The following LZTFL1 variants were observed in gnomAD, a reference collection of about 807,000 sequenced individuals.
LZTFL1 encodes leucine zipper transcription factor-like protein 1.
LZTFL1 carries 25 observed loss-of-function variants against 45.9 expected under a neutral mutation model. The observed-to-expected ratio is 0.54, with a 90% CI of 0.40 to 0.76. The LOEUF (loss-of-function observed/expected upper bound fraction) is 0.76, where lower values mean the gene tolerates loss of function less well. Among genes scored for constraint, LZTFL1 ranks in the 30% least tolerant of loss-of-function variants. LZTFL1 has a pLI of 0.00. For synonymous variants in LZTFL1, 93 were observed against 117.4 expected (o/e 0.79, Z 1.35); for missense variants, 277 against 331.1 (o/e 0.84, Z 1.27).
chr3:45,845,003 A>G (rs1203860231), upstream of LZTFL1, among the ~76,000 whole-genome samples: 1 of 152,200 alleles, frequency 6.6e-6, no homozygotes, highest in African/African-American at 2.4e-5. Flanking sequence ...CCCAAAGGGA[A>G]CAAACACCGA....
chr3:45,826,769 C>A (rs542280344), intron 9 of LZTFL1, among the ~76,000 whole-genome samples: 2 of 152,326 alleles, frequency 1.3e-5, no homozygotes, highest in East Asian at 1.9e-4. Flanking sequence ...CACATCTGGA[C>A]CTGGAGGACT....
At chr3:45,908,029 T>C (rs1702714692) in intron 2 of LZTFL1, among the ~76,000 whole-genome samples, 16 of 152,132 alleles carry the variant, frequency 1.1e-4, no homozygotes, top group Admixed American at 9.2e-4. Flanking sequence ...GTCAGCTGGG[T>C]GGATTAAGGA....
intron 2 of LZTFL1, chr3:45,894,782 C>G (rs762453216): frequency 1.5e-5 from 11 of 711,512 alleles, no homozygotes; most frequent in African/African-American, 7.0e-5. Context: ...ACTCTAACTC[C>G]TGCTTGGAAT....
At chr3:45,887,327 A>C (rs1702014717) in intron 2 of LZTFL1, among the ~76,000 whole-genome samples, 1 of 152,142 alleles carries the variant, frequency 6.6e-6, no homozygotes, top group African/African-American at 2.4e-5. Context: ...GAAACTTAAC[A>C]ATGGCTAAAC....
At chr3:45,891,989 A>C (rs1414720899) in intron 2 of LZTFL1, among the ~76,000 whole-genome samples, 1 of 152,142 alleles carries the variant, frequency 6.6e-6, no homozygotes, top group Non-Finnish European at 1.5e-5. Flanking sequence ...TGGGGTTTGA[A>C]GACCAACTTA....
chr3:45,914,089 A>G (rs1220036109), intron 1 of LZTFL1, among the ~76,000 whole-genome samples: 4 of 152,196 alleles, frequency 2.6e-5, no homozygotes, highest in African/African-American at 9.7e-5. Context: ...CCTGGTTCCA[A>G]GATTCAAGGA....
intron 9 of LZTFL1, 111 bp from the exon 10 acceptor site, chr3:45,826,443 C>T (rs1207066851): frequency 1.8e-5 from 16 of 882,372 alleles, no homozygotes; most frequent in South Asian, 4.5e-5. Flanking sequence ...ATTACTGTTA[C>T]GGTAGAAGTT....
rs1054371168 is a variant in LZTFL1 at position 45,900,299 on chromosome 3, G to T, written c.-215+12821C>A. On this transcript the variant is annotated intron_variant, in intron 2 of 4. Transcript: ENST00000472635. The surrounding 1 kb of genome is among the most constrained non-coding windows in gnomAD (Gnocchi z 4.7). ...TGCATGTGTATGTGGGTGTATGCTG[G>T]TGCTCCCGGAGCTTTCAGGAAACTC... Among the ~76,000 whole-genome samples, 2 of 152,128 alleles carry T rather than the reference G, an allele frequency of 1.3e-5. No homozygotes were observed. The highest frequency in any genetic ancestry group is 4.8e-5 in the African/African-American group (2 of 41,426).
At chr3:45,861,873 A>T (rs1223661972) in intron 2 of LZTFL1, among the ~76,000 whole-genome samples, 1 of 152,202 alleles carries the variant, frequency 6.6e-6, no homozygotes, top group East Asian at 1.9e-4. Context: ...GGCCGTTTAT[A>T]TCATTTATTA....
At position 45,847,476 on chromosome 3, in the gene LZTFL1, T is replaced by C. The variant is rs550527027; in HGVS notation, c.-49+7510A>G. Among the ~76,000 whole-genome samples, 14 of 152,292 alleles carry C rather than the reference T, an allele frequency of 9.2e-5. No individual in the cohort carries two copies. In the South Asian group the frequency reaches 2.7e-3, roughly 29 times the overall value. ...AGAGGCTGAATTATAGACATTGTGTTTGGGGGCAAGTAGACCACTTCAACA... is the reference window on the plus strand; with the variant it reads ...AGAGGCTGAATTATAGACATTGTGTCTGGGGGCAAGTAGACCACTTCAACA... On this transcript the variant is annotated intron_variant, in intron 4 of 4. Coordinates refer to the LZTFL1 transcript ENST00000472635.
chr3:45,903,310 GAAGAGTAAGCA>G (rs1702614462), intron 2 of LZTFL1: 1 of 155,984 alleles, frequency 6.4e-6, no homozygotes, highest in African/African-American at 2.4e-5. Flanking sequence ...AAAAAAGTGT[GAAGAGTAAGCA>G]ATAGGGATAA....
intron 2 of LZTFL1, among the ~76,000 whole-genome samples, chr3:45,877,454 G>C (rs1040472794): frequency 2.0e-5 from 3 of 151,740 alleles, no homozygotes; most frequent in African/African-American, 7.3e-5. Flanking sequence ...GGCTGGTCTC[G>C]AACTCCTGAC....
chr3:45,908,022 A>G (rs914215711), intron 2 of LZTFL1, among the ~76,000 whole-genome samples: 7 of 152,362 alleles, frequency 4.6e-5, no homozygotes, highest in African/African-American at 1.4e-4. Flanking sequence ...ACAGTGAGTC[A>G]GCTGGGTGGA....
chr3:45,915,336 C>G (rs879788163), intron 1 of LZTFL1: 2 of 345,164 alleles, frequency 5.8e-6, no homozygotes, highest in Non-Finnish European at 1.2e-5. Context: ...CTTTTATCCC[C>G]GCACCGCCCA....
At chr3:45,833,672 G>A (rs2125683822) in intron 4 of LZTFL1, among the ~76,000 whole-genome samples, 1 of 152,258 alleles carries the variant, frequency 6.6e-6, no homozygotes, top group South Asian at 2.1e-4. Flanking sequence ...ATGACCCAAA[G>A]GAATAACTGG....
chr3:45,842,208 G>A (rs1460756615), upstream of LZTFL1: 15 of 1,418,056 alleles, frequency 1.1e-5, no homozygotes, highest in Non-Finnish European at 1.4e-5. Flanking sequence ...TTGCGTAACC[G>A]GTTGACTGCC....
intron 2 of LZTFL1, among the ~76,000 whole-genome samples, chr3:45,887,312 T>G (rs1268423866): frequency 1.3e-5 from 2 of 152,012 alleles, no homozygotes; most frequent in Non-Finnish European, 2.9e-5. Flanking sequence ...AAAGGAAGTA[T>G]CTCAGAAACT....
At position 45,901,514 on chromosome 3, in the gene LZTFL1, A is replaced by T. The variant is rs1702557658; in HGVS notation, c.-215+11606T>A. On this transcript the variant is annotated intron_variant, in intron 2 of 4. Transcript: ENST00000472635. The surrounding 1 kb of genome is among the most constrained non-coding windows in gnomAD (Gnocchi z 4.3). ...ATACCATCATCATTCACACCCTGAT[A>T]CAAGCCAAGAAGTCTTCCAAGCACA... 1 of 1,614,176 alleles carries T rather than the reference A, an allele frequency of 6.2e-7. No homozygotes were observed. The highest frequency in any genetic ancestry group is 8.5e-7 in the Non-Finnish European group (1 of 1,180,026).
intron 2 of LZTFL1, among the ~76,000 whole-genome samples, chr3:45,904,901 A>G (rs940278342): frequency 1.3e-5 from 2 of 152,112 alleles, no homozygotes; most frequent in Non-Finnish European, 2.9e-5. Context: ...AGCACAGCCG[A>G]AATCATCCCC....
Sources: allele counts gnomAD v4.1 joint callset (sites outside exome capture counted in the v4.1 genomes callset), GRCh38; gene constraint gnomAD v4.1.1; non-coding constraint Gnocchi (gnomAD v3.1); transcripts MANE v1.5; gene names NCBI Gene and HGNC (gene_info 2026-07-23, HGNC 2026-07-21).